SF3B3: variants seen among roughly 807,000 people sequenced by gnomAD.
SF3B3 encodes the protein SAP 130.
SF3B3 carries 33 observed loss-of-function variants against 139.2 expected under a neutral mutation model. The observed-to-expected ratio is 0.24, with a 90% CI of 0.18 to 0.32. The LOEUF is 0.32. Among genes scored for constraint, SF3B3 ranks in the 10% least tolerant of loss-of-function variants. The pLI is 1.00. For missense variants in SF3B3, 818 were observed against 1,509.4 expected (o/e 0.54, Z 7.59); for synonymous variants, 596 against 563.6 (o/e 1.06, Z -0.81).
Position 70,576,116 on chromosome 16 carries a change from G to A in SF3B3, c.*4303G>A, listed in dbSNP as rs1003654601. 6.6e-6 allele frequency: 1 copy of A among 151,810 alleles called. No individual in the cohort carries two copies. The highest frequency in any genetic ancestry group is 1.5e-5 in the Non-Finnish European group (1 of 67,986). 9.4% of individuals were successfully genotyped at this position (151,810 alleles called of 1,614,324 possible). A position where few individuals can be genotyped will look rare whatever the true frequency, so the allele number is the denominator to read the frequency against. ...TTTAAAAAAAGAGTCTGCTGGTGAT[G>A]TCTGGGCATGTGTCTGCTTCACAGT... On this transcript the variant is annotated 3_prime_UTR_variant, in exon 26 of 26. Transcript: ENST00000302516.
chr16:70,565,219 A>C lies in SF3B3; in HGVS notation c.2618A>C (p.Gln873Pro), dbSNP rs753045460. 6.2e-7 allele frequency: 1 copy of C among 1,614,206 alleles called. No homozygotes were observed. The highest frequency in any genetic ancestry group is 8.5e-7 in the Non-Finnish European group (1 of 1,180,036). The change falls in exon 19 of 26, where the codon CAA (glutamine) becomes CCA (proline). Residue 873 changes from glutamine to proline, a missense_variant. Around this residue, in one of 14 missense-constraint regions of SF3B3, gnomAD observed 145 missense variants for 153.6 expected, o/e 0.94. Coordinates refer to ENST00000302516, the MANE Select transcript of SF3B3 (RefSeq NM_012426.5). ...GTGATCCGAGTGATGAATCCCATTC[A>C]AGGGAACACACTGGACCTTGTCCAG... ...ASVIRVMNPI[Q>P]GNTLDLVQLE...
intron 20 of SF3B3, among the ~76,000 whole-genome samples, chr16:70,566,524 T>G (rs1325371508): frequency 1.3e-5 from 2 of 152,106 alleles, no homozygotes; most frequent in African/African-American, 4.8e-5. Context: ...ATTGCGCCAC[T>G]GCACTCCAGC....
chr16:70,565,971 G>C (rs1040125160), intron 20 of SF3B3, among the ~76,000 whole-genome samples: 1 of 152,080 alleles, frequency 6.6e-6, no homozygotes, highest in Non-Finnish European at 1.5e-5. Context: ...ACAAAAATCA[G>C]CCAGGCATGG....
intron 18 of SF3B3, 67 bp from the exon 19 acceptor site, chr16:70,564,998 T>C (rs2050462221): frequency 1.4e-6 from 2 of 1,471,524 alleles, no homozygotes; most frequent in Non-Finnish European, 1.9e-6. Context: ...TCTTGCTACC[T>C]ATCCTCTTCT....
intron 6 of SF3B3, among the ~76,000 whole-genome samples, chr16:70,535,798 A>G (rs2050160521): frequency 6.6e-6 from 1 of 151,886 alleles, no homozygotes; most frequent in Admixed American, 6.6e-5. Context: ...CAACATACAG[A>G]AAGTTTAAAA....
rs1398273274 is a variant in SF3B3 at position 70,541,808 on chromosome 16, A to G, written c.1207A>G (p.Ser403Gly). 8 of 1,614,044 alleles carry G rather than the reference A, an allele frequency of 5.0e-6. No homozygotes were observed. The highest frequency in any genetic ancestry group is 6.8e-6 in the Non-Finnish European group (8 of 1,179,992). Residue 403 changes from serine (S) to glycine (G), a missense_variant, in exon 9 of 26, where the codon AGC becomes GGC. This residue lies in a region of SF3B3 where 26 missense variants were observed against 25.5 expected (regional missense o/e 1.02). Coordinates refer to ENST00000302516, the MANE Select transcript of SF3B3 (RefSeq NM_012426.5). Reference sequence around the variant, plus strand: ...CCTTGTGCTGGTTGATGAGTTGGACAGCCTCTCTCCCATTCTGTTTTGCCA... The same window carrying G: ...CCTTGTGCTGGTTGATGAGTTGGACGGCCTCTCTCCCATTCTGTTTTGCCA... ...KNLVLVDELDSLSPILFCQIA... is the reference protein window; with the variant it reads ...KNLVLVDELDGLSPILFCQIA...
At position 70,547,039 on chromosome 16, in the gene SF3B3, A is replaced by AAG. The variant is rs920020517; in HGVS notation, c.1330-1331_1330-1330insAG. ...CGAGACTCCGTCTCAAAAAAAAAAA[A>AAG]TTTTTTTTTAAATTGTTGAACGTTG... is the stretch of plus-strand genomic sequence containing the variant. On this transcript the variant is annotated intron_variant, in intron 10 of 25. Transcript: ENST00000302516. Among the ~76,000 whole-genome samples, 18 of 151,488 alleles carry AAG rather than the reference A, an allele frequency of 1.2e-4. No individual in the cohort carries two copies. The East Asian group carries it at 3.3e-3, about 28-fold the overall frequency.
intron 20 of SF3B3, among the ~76,000 whole-genome samples, chr16:70,566,083 C>T (rs992432838): frequency 2.7e-5 from 4 of 150,590 alleles, no homozygotes; most frequent in African/African-American, 9.8e-5. Flanking sequence ...CGCCATTGCA[C>T]TCTAGCCTGG....
chr16:70,555,281 T>C, intron 13 of SF3B3, 75 bp downstream of exon 13: 1 of 1,344,734 alleles, frequency 7.4e-7, no homozygotes, highest in South Asian at 1.2e-5. Context: ...AGTCTAGTCA[T>C]TTAGATGATA....
intron 15 of SF3B3, among the ~76,000 whole-genome samples, chr16:70,559,969 T>G (rs1386607983): frequency 6.6e-6 from 1 of 152,138 alleles, no homozygotes; most frequent in Non-Finnish European, 1.5e-5. Flanking sequence ...AATTTCTATT[T>G]GAAGTTAGTT....
At chr16:70,546,658 G>A (rs2151784999) in intron 10 of SF3B3, among the ~76,000 whole-genome samples, 1 of 152,058 alleles carries the variant, frequency 6.6e-6, no homozygotes, top group African/African-American at 2.4e-5. Context: ...CTAAAAAAAT[G>A]CATATGTGCA....
chr16:70,565,914 C>T lies in SF3B3; in HGVS notation c.2826+390C>T, dbSNP rs765180068. 3.4e-4 allele frequency among the ~76,000 whole-genome samples: 52 copies of T among 151,802 alleles called. 1 individual carries two copies. Among genetic ancestry groups the T allele is most frequent in the Non-Finnish European group, 5.6e-4 (38 of 67,944 alleles). On this transcript the variant is annotated intron_variant, in intron 20 of 25. Transcript: ENST00000302516. ...GGCAGATCACCTGAGGTCAGGAGTT[C>T]GAGACCAGCCCGGCCAACATGGTGA...
At chr16:70,547,467 A>T (rs1439751916) in intron 10 of SF3B3, among the ~76,000 whole-genome samples, 1 of 152,188 alleles carries the variant, frequency 6.6e-6, no homozygotes, top group Admixed American at 6.5e-5. Flanking sequence ...TTTGGCTTAG[A>T]TGTTTTGTTT....
chr16:70,567,098 C>T (rs2151794592), intron 20 of SF3B3, among the ~76,000 whole-genome samples: 1 of 152,128 alleles, frequency 6.6e-6, no homozygotes, highest in African/African-American at 2.4e-5. Context: ...CTTTCCTGTC[C>T]CTCCACAAAT....
rs192448891 is a variant in SF3B3, at chr16:70,524,241, T to A, written c.-71+313T>A. Among the ~76,000 whole-genome samples the A allele has an allele frequency of 3.3e-5, 5 of 151,708 alleles. No homozygotes were observed. In the East Asian group the frequency reaches 9.7e-4, roughly 30 times the overall value. On this transcript the variant is annotated intron_variant, in intron 1 of 25. Coordinates refer to ENST00000302516, the MANE Select transcript of SF3B3 (RefSeq NM_012426.5). ...CATGGATGTCTCCCTCTGGGTAGAG[T>A]AAATGGTACACCGAGGGGAAGATAG...
chr16:70,565,569 A>G (rs1597723386), intron 20 of SF3B3, 45 bp downstream of exon 20: 2 of 1,565,980 alleles, frequency 1.3e-6, no homozygotes, highest in Non-Finnish European at 1.7e-6. Context: ...GTCCCATTGA[A>G]TTCTCTCACT....
chr16:70,538,952 A>C lies in SF3B3; in HGVS notation c.964-152A>C. ...TAGTACAAGACAGCCACAGCCAGTAATGATTGGCATGACTGGCCCATGAGC... is the reference window on the plus strand; with the variant it reads ...TAGTACAAGACAGCCACAGCCAGTACTGATTGGCATGACTGGCCCATGAGC... On this transcript the variant is annotated intron_variant, in intron 7 of 25. Transcript: ENST00000302516. The C allele has an allele frequency of 4.7e-6, 3 of 641,646 alleles. No individual in the cohort carries two copies. In the South Asian group the frequency reaches 5.4e-5, roughly 12 times the overall value. 39.7% of individuals were successfully genotyped at this position (641,646 alleles called of 1,614,324 possible). A position where few individuals can be genotyped will look rare whatever the true frequency, so the allele number is the denominator to read the frequency against.
At chr16:70,548,487 A>G (rs2050290042) in intron 11 of SF3B3, 45 bp downstream of exon 11, 1 of 1,525,166 alleles carries the variant, frequency 6.6e-7, no homozygotes, top group South Asian at 1.1e-5. Flanking sequence ...TCTAGGTGCC[A>G]TTGACATAGA....
Position 70,567,839 on chromosome 16 carries a change from C to G in SF3B3, c.2952+303C>G, listed in dbSNP as rs141890105. 3.2e-3 allele frequency among the ~76,000 whole-genome samples: 487 copies of G among 152,294 alleles called. 2 individuals are homozygous for G. Among genetic ancestry groups the G allele is most frequent in the Non-Finnish European group, 4.4e-3 (296 of 68,016 alleles). ...TAGCTGGGATTACAGATGCGCGCCA[C>G]CACGCCTGGCAAATTTTTTGTATCT... On this transcript the variant is annotated intron_variant, in intron 21 of 25. Coordinates refer to ENST00000302516, the MANE Select transcript of SF3B3 (RefSeq NM_012426.5).
Sources: allele counts gnomAD v4.1 joint callset (sites outside exome capture counted in the v4.1 genomes callset), GRCh38; gene constraint gnomAD v4.1.1; regional missense constraint gnomAD v4.1.1; transcripts MANE v1.5; gene names NCBI Gene and HGNC (gene_info 2026-07-23, HGNC 2026-07-21).